WBP2NL: variants seen among roughly 807,000 people sequenced by gnomAD.
WBP2NL encodes the protein WBP2 N-terminal like, also known as postacrosomal sheath WW domain-binding protein.
In WBP2NL, 27 loss-of-function variants were observed where a neutral mutation model predicts 23.3. The observed-to-expected ratio is 1.16, with a 90% CI of 0.85 to 1.60. The LOEUF is 1.60. Ranked by LOEUF, WBP2NL falls within the 40% of genes most tolerant of loss-of-function variation. WBP2NL has a pLI of 0.00. For missense variants in WBP2NL, 370 were observed against 389.5 expected (o/e 0.95, Z 0.42); for synonymous variants, 151 against 145.9 (o/e 1.03, Z -0.25).
At position 42,027,027 on chromosome 22, in the gene WBP2NL, A is replaced by G; in HGVS notation, c.776A>G (p.Tyr259Cys). The change falls in exon 6 of 6, where the codon TAT (tyrosine) becomes TGT (cysteine). Residue 259 changes from tyrosine to cysteine, a missense_variant. Coordinates refer to ENST00000328823, the MANE Select transcript of WBP2NL (RefSeq NM_152613.3). Reference protein sequence around the residue: ...PLGYGAPPLGYGAPPAGNEGP... With the variant: ...PLGYGAPPLGCGAPPAGNEGP... ...GGATATGGAGCCCCACCTCTCGGAT[A>G]TGGAGCCCCACCTGCAGGAAATGAA... is the stretch of plus-strand genomic sequence containing the variant. 6.2e-7 allele frequency: 1 copy of G among 1,613,958 alleles called. No homozygotes were observed. Among genetic ancestry groups the G allele is most frequent in the Non-Finnish European group, 8.5e-7 (1 of 1,179,872 alleles).
At chr22:42,024,043 A>C (rs1297477778) in intron 5 of WBP2NL, among the ~76,000 whole-genome samples, 1 of 152,138 alleles carries the variant, frequency 6.6e-6, no homozygotes, top group Admixed American at 6.5e-5. Flanking sequence ...TTCTGTCTTT[A>C]TTGATTCACC....
chr22:41,999,856 T>TCCTTGCGGTGCCTGCTGCTGGCC (rs1921420071), intron 1 of WBP2NL, among the ~76,000 whole-genome samples: 2 of 152,200 alleles, frequency 1.3e-5, no homozygotes, highest in Non-Finnish European at 2.9e-5. Context: ...GTTGCTTTGC[T>TCCTTGCGGTGCCTGCTGCTGGCC]CCTTGCGGTG....
At chr22:42,055,916 T>C (rs1394482089) in intron 8 of WBP2NL, among the ~76,000 whole-genome samples, 4 of 152,312 alleles carry the variant, frequency 2.6e-5, no homozygotes, top group Middle Eastern at 3.4e-3. Flanking sequence ...TTCCAACTTA[T>C]GTCTTTGAGT....
intron 1 of WBP2NL, among the ~76,000 whole-genome samples, chr22:42,004,623 A>G (rs570332428): frequency 1.3e-3 from 200 of 152,144 alleles, no homozygotes; most frequent in African/African-American, 4.6e-3. Context: ...GGACAAGATG[A>G]TGTTAAAGAC....
At chr22:42,049,185 C>T (rs1925718393) in intron 8 of WBP2NL, among the ~76,000 whole-genome samples, 1 of 152,080 alleles carries the variant, frequency 6.6e-6, no homozygotes, top group Non-Finnish European at 1.5e-5. Flanking sequence ...ACAGAAGAGT[C>T]CAGAATGTAC....
downstream of WBP2NL, chr22:42,032,837 G>C: frequency 3.0e-6 from 1 of 334,422 alleles, no homozygotes. Flanking sequence ...AGTTTGATTA[G>C]TTTAGATGTA....
In WBP2NL at chr22:42,055,287, G is replaced by A. The variant is rs180910968; in HGVS notation, c.*274-3003G>A. The stretch of plus-strand genomic sequence containing the variant: ...CGCCTCAGGGTTCAAGCGATTTTCC[G>A]CCTCAGCCTCCAGAGTAGCTGGGAT... On this transcript the variant is annotated intron_variant and NMD_transcript_variant, in intron 8 of 8. Transcript: ENST00000436265. 3.6e-3 allele frequency among the ~76,000 whole-genome samples: 544 copies of A among 152,214 alleles called. 3 individuals are homozygous for A. The highest frequency in any genetic ancestry group is 0.01 in the Middle Eastern group (3 of 294).
intron 1 of WBP2NL, among the ~76,000 whole-genome samples, chr22:42,013,069 A>G (rs994194650): frequency 1.3e-5 from 2 of 150,250 alleles, no homozygotes. Context: ...GGCCTCCATG[A>G]TTTCAATAAG....
chr22:42,008,594 A>G (rs1922514309), intron 1 of WBP2NL, among the ~76,000 whole-genome samples: 1 of 151,892 alleles, frequency 6.6e-6, no homozygotes, highest in Non-Finnish European at 1.5e-5. Flanking sequence ...GATGATTAGT[A>G]ATGACAATCT....
chr22:42,006,381 C>T (rs918672508), intron 1 of WBP2NL, among the ~76,000 whole-genome samples: 3 of 152,240 alleles, frequency 2.0e-5, no homozygotes, highest in East Asian at 3.9e-4. Flanking sequence ...CCACCACACT[C>T]GGCTAATTTT....
chr22:42,049,944 T>G (rs1313285703), intron 8 of WBP2NL, among the ~76,000 whole-genome samples: 1 of 127,372 alleles, frequency 7.9e-6, no homozygotes, highest in Non-Finnish European at 1.6e-5. Context: ...GCCATAGCAC[T>G]CCGGCCTGGG....
Position 42,027,172 on chromosome 22 carries a change from C to T in WBP2NL, c.921C>T (p.Val307=). 6.2e-7 allele frequency: 1 copy of T among 1,605,158 alleles called. No individual in the cohort carries two copies. Among genetic ancestry groups the T allele is most frequent in the African/African-American group, 1.3e-5 (1 of 74,312 alleles). Residue 307 remains valine, a synonymous_variant, in exon 6 of 6, where the codon GTC becomes GTT. Transcript: ENST00000328823. ...TTCCCTCTGCCTCCTCTTCTCAGGTCCATTCTTAACCTTCTAAGATGTAAA... is the reference window on the plus strand; with the variant it reads ...TTCCCTCTGCCTCCTCTTCTCAGGTTCATTCTTAACCTTCTAAGATGTAAA... The part of the protein sequence containing the change: ...ASLPSASSSQ[V]HS
intron 5 of WBP2NL, 25 bp from the exon 6 acceptor site, chr22:42,026,741 T>C: frequency 1.2e-6 from 2 of 1,600,524 alleles, no homozygotes; most frequent in South Asian, 2.2e-5. Flanking sequence ...TAACTGAATT[T>C]TTTTCCTTCC....
intron 3 of WBP2NL, 79 bp downstream of exon 3, chr22:42,019,882 G>C (rs1923720811): frequency 1.3e-6 from 2 of 1,599,190 alleles, no homozygotes; most frequent in Non-Finnish European, 1.7e-6. Context: ...CTTGGCTCAT[G>C]TTGAAATTCA....
Position 42,027,339 on chromosome 22 carries a change from T to C in WBP2NL, c.*158T>C. The C allele has an allele frequency of 1.1e-6, 1 of 911,864 alleles. No individual in the cohort carries two copies. Among genetic ancestry groups the C allele is most frequent in the Non-Finnish European group, 1.6e-6 (1 of 641,068 alleles). 56.5% of individuals were successfully genotyped at this position (911,864 alleles called of 1,614,324 possible). A position where few individuals can be genotyped will look rare whatever the true frequency, so the allele number is the denominator to read the frequency against. On this transcript the variant is annotated 3_prime_UTR_variant, in exon 6 of 6. Coordinates refer to ENST00000328823, the MANE Select transcript of WBP2NL (RefSeq NM_152613.3). ...AATCTTATGGGGGAAGGTGAAACTT[T>C]ACTTCTGTGCCTAGATTTTAGAAGC...
At chr22:42,040,486 G>T (rs1008043350) in intron 8 of WBP2NL, among the ~76,000 whole-genome samples, 3 of 152,192 alleles carry the variant, frequency 2.0e-5, no homozygotes. Context: ...GCCTCCCAAA[G>T]TGCTGGGATA....
At chr22:42,019,943 C>T in intron 3 of WBP2NL, 61 bp from the exon 4 acceptor site, 3 of 1,594,636 alleles carry the variant, frequency 1.9e-6, no homozygotes, top group South Asian at 1.1e-5. Context: ...GTGTTTGTGG[C>T]AGTCTTTCTG....
intron 8 of WBP2NL, among the ~76,000 whole-genome samples, chr22:42,040,774 C>G (rs1008074429): frequency 4.6e-5 from 7 of 152,148 alleles, no homozygotes; most frequent in African/African-American, 1.7e-4. Context: ...TAAGAAGATA[C>G]CAGGTATTAT....
chr22:42,035,176 A>G (rs1350771272), downstream of WBP2NL, among the ~76,000 whole-genome samples: 4 of 152,276 alleles, frequency 2.6e-5, no homozygotes, highest in Admixed American at 2.6e-4. Context: ...AATTTGGGGA[A>G]CTAATAAATG....
Sources: allele counts gnomAD v4.1 joint callset (sites outside exome capture counted in the v4.1 genomes callset), GRCh38; gene constraint gnomAD v4.1.1; transcripts MANE v1.5; gene names NCBI Gene and HGNC (gene_info 2026-07-23, HGNC 2026-07-21).